Variants in MAP3K7CL observed in about 807,000 individuals in gnomAD.
MAP3K7CL encodes the protein MAP3K7 C-terminal-like protein.
A neutral mutation model predicts 18.6 loss-of-function variants in MAP3K7CL; 16 were observed. The observed-to-expected ratio is 0.86, with a 90% CI of 0.58 to 1.31. The LOEUF is 1.31. Among genes scored for constraint, MAP3K7CL ranks in the 50% most tolerant of loss-of-function variants. The pLI, the probability that MAP3K7CL is intolerant of heterozygous loss-of-function variation, is 0.00. For missense variants in MAP3K7CL, 163 were observed against 174.4 expected, an observed-to-expected ratio of 0.93 and a Z score of 0.37; for synonymous variants, 65 against 66.8, an observed-to-expected ratio of 0.97 and a Z score of 0.13.
At chr21:29,092,358 A>C in intron 3 of MAP3K7CL, 2 of 1,531,602 alleles carry the variant, frequency 1.3e-6, no homozygotes, top group Non-Finnish European at 1.8e-6. Flanking sequence ...CTTCTCAGGG[A>C]AAAAAAGAAC....
rs140938071 is a variant in MAP3K7CL at position 29,116,065 on chromosome 21, G to A, written c.370+23484G>A. On this transcript the variant is annotated intron_variant, in intron 4 of 6. Coordinates refer to the MAP3K7CL transcript ENST00000286791. ...ATACTCTAGTGGTTTCTTCCGTGAAGCTCTTTCATTGAATCAGCATTTTTG... is the reference window on the plus strand; with the variant it reads ...ATACTCTAGTGGTTTCTTCCGTGAAACTCTTTCATTGAATCAGCATTTTTG... Among the ~76,000 whole-genome samples the A allele has an allele frequency of 3.9e-4, 60 of 152,318 alleles. 1 individual carries two copies. The East Asian group carries it at 8.7e-3, about 22-fold the overall frequency.
chr21:29,173,507 G>C (rs1175030543), intron 4 of MAP3K7CL, among the ~76,000 whole-genome samples: 1 of 152,184 alleles, frequency 6.6e-6, no homozygotes, highest in Non-Finnish European at 1.5e-5. Context: ...AGCTCATCTA[G>C]AAAACTATGT....
intron 4 of MAP3K7CL, among the ~76,000 whole-genome samples, chr21:29,173,097 G>A (rs2087882448): frequency 6.6e-6 from 1 of 152,048 alleles, no homozygotes; most frequent in Non-Finnish European, 1.5e-5. Context: ...TTTAAAACAG[G>A]GGTTCAAAAC....
At chr21:29,104,698 T>TG (rs772750053) in intron 4 of MAP3K7CL, among the ~76,000 whole-genome samples, 15 of 152,216 alleles carry the variant, frequency 9.9e-5, no homozygotes, top group Non-Finnish European at 1.8e-4. Context: ...TGGCAGAATG[T>TG]GTGTGCGGTT....
chr21:29,130,275 A>T (rs889059340), upstream of MAP3K7CL, among the ~76,000 whole-genome samples: 2 of 152,242 alleles, frequency 1.3e-5, no homozygotes, highest in African/African-American at 4.8e-5. Flanking sequence ...GCATTTGAAG[A>T]ATGAATCGAG....
intron 3 of MAP3K7CL, among the ~76,000 whole-genome samples, chr21:29,156,542 A>G (rs919677543): frequency 6.6e-6 from 1 of 152,196 alleles, no homozygotes; most frequent in African/African-American, 2.4e-5. Context: ...TTTGATTAAT[A>G]CTGTTGGCCA....
chr21:29,087,357 C>G (rs1181160535), intron 1 of MAP3K7CL, among the ~76,000 whole-genome samples: 1 of 152,154 alleles, frequency 6.6e-6, no homozygotes, highest in African/African-American at 2.4e-5. Context: ...CTCTCTATCT[C>G]TGCCAATTTG....
chr21:29,165,088 C>A (rs1439310779), intron 4 of MAP3K7CL, among the ~76,000 whole-genome samples: 1 of 152,036 alleles, frequency 6.6e-6, no homozygotes, highest in Non-Finnish European at 1.5e-5. Flanking sequence ...AAAATGAAAT[C>A]TATTACCAAA....
At chr21:29,114,618 T>G (rs945226820) in intron 4 of MAP3K7CL, among the ~76,000 whole-genome samples, 3 of 152,166 alleles carry the variant, frequency 2.0e-5, no homozygotes, top group South Asian at 2.1e-4. Context: ...CTCAAACTCC[T>G]GGGCTCAAAA....
chr21:29,153,849 C>T (rs1320075482), intron 3 of MAP3K7CL, among the ~76,000 whole-genome samples: 1 of 152,188 alleles, frequency 6.6e-6, no homozygotes, highest in Non-Finnish European at 1.5e-5. Flanking sequence ...TGGGTCAAGA[C>T]CAAGCCTGTC....
chr21:29,130,541 A>G, upstream of MAP3K7CL: 1 of 935,072 alleles, frequency 1.1e-6, no homozygotes, highest in Non-Finnish European at 1.3e-6. Flanking sequence ...TAAGTTTGCC[A>G]GGACTAATGA....
At chr21:29,089,851 TGAGAGGGAGGGAGGAAGGGAA>T (rs148311225) in intron 1 of MAP3K7CL, among the ~76,000 whole-genome samples, 7,024 of 117,972 alleles carry the variant, frequency 0.06, 565 homozygotes, top group African/African-American at 0.2. Flanking sequence ...GAGGGAAGGA[TGAGAGGGAGGGAGGAAGGGAA>T]GAGAGGGAGG....
chr21:29,125,681 T>C (rs1356495305), upstream of MAP3K7CL, among the ~76,000 whole-genome samples: 2 of 152,192 alleles, frequency 1.3e-5, no homozygotes, highest in Admixed American at 6.5e-5. Flanking sequence ...CCTTGCTTTG[T>C]GGTTTTTCAT....
At chr21:29,135,749 T>C (rs2086871632) in intron 2 of MAP3K7CL, among the ~76,000 whole-genome samples, 1 of 152,224 alleles carries the variant, frequency 6.6e-6, no homozygotes, top group African/African-American at 2.4e-5. Flanking sequence ...TTCTCTTCTC[T>C]TTCAAATGAC....
intron 2 of MAP3K7CL, among the ~76,000 whole-genome samples, chr21:29,138,977 C>A (rs116120975): frequency 0.015 from 2,211 of 152,198 alleles, 45 homozygotes; most frequent in African/African-American, 0.05. Context: ...AAAAGAAATT[C>A]TTTCAAGCTG....
At chr21:29,126,201 G>A (rs140371661), upstream of MAP3K7CL, among the ~76,000 whole-genome samples, 793 of 152,318 alleles carry the variant, frequency 5.2e-3, 7 homozygotes, top group African/African-American at 0.018. Context: ...GCCGTCCACT[G>A]GATGTTCGAT....
intron 4 of MAP3K7CL, among the ~76,000 whole-genome samples, chr21:29,120,393 T>A (rs561969810): frequency 1.3e-5 from 2 of 152,324 alleles, no homozygotes; most frequent in South Asian, 4.1e-4. Context: ...TTACACTTTA[T>A]GAGCTCTGGA....
chr21:29,130,039 A>G (rs1011682512), upstream of MAP3K7CL, among the ~76,000 whole-genome samples: 1 of 152,028 alleles, frequency 6.6e-6, no homozygotes, highest in African/African-American at 2.4e-5. Context: ...AGTTCATTGT[A>G]TATTTTGGAT....
rs538220559 is a variant in MAP3K7CL, at chr21:29,109,172, T to C, written c.370+16591T>C. 2.0e-4 allele frequency: 306 copies of C among 1,535,382 alleles called. 3 individuals carry two copies. The South Asian group carries it at 3.3e-3, about 17-fold the overall frequency. ...TCTTCCCTAACGCCCTTTCCACCAGTGCGGACTGCAGGTATGGACATAGGG... is the reference window on the plus strand; with the variant it reads ...TCTTCCCTAACGCCCTTTCCACCAGCGCGGACTGCAGGTATGGACATAGGG... On this transcript the variant is annotated intron_variant, in intron 4 of 6. Transcript: ENST00000286791.
Sources: gnomAD v4.1 joint callset for allele counts (sites outside exome capture counted in the v4.1 genomes callset) on GRCh38, gnomAD v4.1.1 for gene constraint, MANE v1.5 for transcripts, NCBI Gene and HGNC (gene_info 2026-07-23, HGNC 2026-07-21) for gene names.